Variants in DLG2 observed in about 807,000 individuals in gnomAD.
The protein encoded by DLG2 is disks large homolog 2.
A neutral mutation model predicts 132.5 loss-of-function variants in DLG2; 45 were observed. The ratio of observed to expected loss-of-function variants is 0.34; its 90% CI spans 0.27 to 0.44. DLG2 has a LOEUF of 0.44. DLG2 is among the 20% of genes least tolerant of loss of function. The probability of loss-of-function intolerance (pLI) is 1.00; values close to 1 mark genes in which losing one functional copy is unlikely to be tolerated. For synonymous variants in DLG2, 424 were observed against 419.6 expected, an observed-to-expected ratio of 1.01 and a Z score of -0.13; for missense variants, 1,045 against 1,196.9, an observed-to-expected ratio of 0.87 and a Z score of 1.87.
At chr11:84,301,674 A>C (rs1287139299) in intron 7 of DLG2, among the ~76,000 whole-genome samples, 1 of 151,078 alleles carries the variant, frequency 6.6e-6, no homozygotes, top group African/African-American at 2.4e-5. Context: ...AAAAAAAAAA[A>C]AAGTCAAGAA....
At chr11:85,455,559 T>A (rs1023317817) in intron 3 of DLG2, among the ~76,000 whole-genome samples, 1 of 152,188 alleles carries the variant, frequency 6.6e-6, no homozygotes, top group African/African-American at 2.4e-5. Context: ...ACCAGTACTA[T>A]GCTGAATAAG....
chr11:84,228,981 G>C (rs1292345295), intron 8 of DLG2, among the ~76,000 whole-genome samples: 6 of 152,026 alleles, frequency 3.9e-5, no homozygotes, highest in Admixed American at 3.9e-4. Context: ...CTGTGGTGAG[G>C]ATCAAATAAA....
chr11:84,434,948 G>A (rs672796), intron 7 of DLG2, among the ~76,000 whole-genome samples: 31,610 of 139,270 alleles, frequency 0.23, 4,339 homozygotes, highest in African/African-American at 0.41. Flanking sequence ...GAAAAGCCCA[G>A]AATTTATAGA....
intron 3 of DLG2, among the ~76,000 whole-genome samples, chr11:85,484,344 G>C (rs1040567951): frequency 1.4e-4 from 21 of 149,696 alleles, no homozygotes; most frequent in Admixed American, 3.3e-4. Context: ...AGCCAAAATT[G>C]ACAAATGGGA....
At chr11:84,637,600 G>A (rs1055518534) in intron 6 of DLG2, among the ~76,000 whole-genome samples, 4 of 152,238 alleles carry the variant, frequency 2.6e-5, no homozygotes, top group Non-Finnish European at 5.9e-5. Flanking sequence ...GGAGACAAGA[G>A]AGGGAGAAAG....
chr11:84,326,145 T>G (rs1276898050), intron 7 of DLG2, among the ~76,000 whole-genome samples: 1 of 152,038 alleles, frequency 6.6e-6, no homozygotes, highest in Non-Finnish European at 1.5e-5. Context: ...TATTGGTTAA[T>G]CTAGCTAAAG....
At chr11:85,470,084 C>A (rs1307343430) in intron 3 of DLG2, among the ~76,000 whole-genome samples, 1 of 151,896 alleles carries the variant, frequency 6.6e-6, no homozygotes, top group African/African-American at 2.4e-5. Context: ...GACAATCTCA[C>A]CAAGCTTTTG....
intron 7 of DLG2, among the ~76,000 whole-genome samples, chr11:84,259,384 G>T (rs1481953642): frequency 6.6e-6 from 1 of 152,088 alleles, no homozygotes; most frequent in Admixed American, 6.6e-5. Flanking sequence ...CAACTAGGTG[G>T]GTGCAGTTCA....
intron 3 of DLG2, among the ~76,000 whole-genome samples, chr11:85,464,184 T>C (rs527414093): frequency 6.6e-6 from 1 of 152,192 alleles, no homozygotes; most frequent in East Asian, 1.9e-4. Context: ...CTTGTACTTA[T>C]ACATGTTCTT....
chr11:84,274,065 G>A (rs932547491), intron 7 of DLG2, among the ~76,000 whole-genome samples: 29 of 152,262 alleles, frequency 1.9e-4, no homozygotes, highest in Middle Eastern at 6.8e-3. Flanking sequence ...GAGTAGGCTG[G>A]AATGTGTTAA....
chr11:84,940,817 G>A (rs977223369), intron 6 of DLG2, among the ~76,000 whole-genome samples: 3 of 152,162 alleles, frequency 2.0e-5, no homozygotes, highest in African/African-American at 7.2e-5. Context: ...CAATGACCTA[G>A]AGAGTTTCCT....
chr11:84,443,673 T>C (rs979852908), intron 7 of DLG2, among the ~76,000 whole-genome samples: 41 of 152,206 alleles, frequency 2.7e-4, no homozygotes, highest in African/African-American at 9.9e-4. Context: ...GATGTTTTCA[T>C]ACATTTATTG....
At chr11:83,524,060 TA>T (rs1742229069) in intron 21 of DLG2, among the ~76,000 whole-genome samples, 1 of 152,162 alleles carries the variant, frequency 6.6e-6, no homozygotes, top group East Asian at 1.9e-4. Flanking sequence ...ATTCTAGCCT[TA>T]TAAGGGTGAG....
intron 18 of DLG2, among the ~76,000 whole-genome samples, chr11:83,780,165 T>C (rs2094754603): frequency 6.6e-6 from 1 of 152,204 alleles, no homozygotes; most frequent in Non-Finnish European, 1.5e-5. Flanking sequence ...AAGAAAGAAA[T>C]ATGTCTTGCA....
intron 6 of DLG2, among the ~76,000 whole-genome samples, chr11:84,915,078 C>G (rs2092369853): frequency 6.6e-6 from 1 of 152,152 alleles, no homozygotes. Context: ...TTAGTGTTGT[C>G]TGACTGTTGT....
chr11:85,494,265 C>A (rs1388556727), intron 3 of DLG2, among the ~76,000 whole-genome samples: 1 of 152,148 alleles, frequency 6.6e-6, no homozygotes, highest in Non-Finnish European at 1.5e-5. Flanking sequence ...TCCTTTATAA[C>A]ATGTATTGAT....
chr11:84,714,543 T>TTCTC (rs367838730), intron 6 of DLG2, among the ~76,000 whole-genome samples: 22 of 80,538 alleles, frequency 2.7e-4, no homozygotes, highest in Admixed American at 1.1e-3. Flanking sequence ...CTCTTTCTCT[T>TTCTC]TCTCTTTCTC....
chr11:84,604,816 T>C lies in DLG2; in HGVS notation c.358-70085A>G, dbSNP rs192344221. Among the ~76,000 whole-genome samples, 96 of 152,104 alleles carry C rather than the reference T, an allele frequency of 6.3e-4. 1 individual carries two copies. The highest frequency in any genetic ancestry group is 1.8e-3 in the African/African-American group (75 of 41,566). On this transcript the variant is annotated intron_variant, in intron 6 of 27. Coordinates refer to ENST00000376104, the MANE Select transcript of DLG2 (RefSeq NM_001142699.3). Reference sequence around the variant, plus strand: ...CCAAAATAATGTTTGTGATAATCTCTTCTAAATAGTTTTTCAAAATATATT... The same window carrying C: ...CCAAAATAATGTTTGTGATAATCTCCTCTAAATAGTTTTTCAAAATATATT...
intron 6 of DLG2, among the ~76,000 whole-genome samples, chr11:85,103,371 AAT>A (rs2071190115): frequency 6.6e-6 from 1 of 151,962 alleles, no homozygotes; most frequent in Admixed American, 6.6e-5. Context: ...AAGCTACCAT[AAT>A]CAAGACAGTG....
Sources: gnomAD v4.1 joint callset for allele counts (sites outside exome capture counted in the v4.1 genomes callset) on GRCh38, gnomAD v4.1.1 for gene constraint, MANE v1.5 for transcripts, NCBI Gene and HGNC (gene_info 2026-07-23, HGNC 2026-07-21) for gene names.